COMMD10: variants seen among roughly 807,000 people sequenced by gnomAD.
COMMD10 encodes the protein COMM domain containing 10, also known as COMM domain-containing protein 10.
In COMMD10, 33 loss-of-function variants were observed where a neutral mutation model predicts 28.9. The ratio of observed to expected loss-of-function variants is 1.14; its 90% CI spans 0.87 to 1.53. The LOEUF is 1.53. Among genes scored for constraint, COMMD10 ranks in the 40% most tolerant of loss-of-function variants. The pLI is 0.00. For synonymous variants in COMMD10, 110 were observed against 81.7 expected, an observed-to-expected ratio of 1.35 and a Z score of -1.87; for missense variants, 310 against 233.4, an observed-to-expected ratio of 1.33 and a Z score of -2.14.
intron 5 of COMMD10, among the ~76,000 whole-genome samples, chr5:116,173,407 A>G (rs1477569102): frequency 6.6e-6 from 1 of 152,102 alleles, no homozygotes; most frequent in Non-Finnish European, 1.5e-5. Context: ...AAACTTTGGA[A>G]TTTCCTGATT....
intron 4 of COMMD10, among the ~76,000 whole-genome samples, chr5:116,113,015 T>A (rs1366563421): frequency 6.6e-6 from 1 of 152,240 alleles, no homozygotes; most frequent in African/African-American, 2.4e-5. Flanking sequence ...GGTCTAGTTT[T>A]CATGAATTCC....
intron 5 of COMMD10, among the ~76,000 whole-genome samples, chr5:116,144,548 A>G (rs7735539): frequency 0.5 from 76,554 of 151,662 alleles, 21,932 homozygotes; most frequent in Non-Finnish European, 0.65. Context: ...GTGTTAAAAA[A>G]TGAATTTAGT....
At chr5:116,143,379 A>G (rs1218398670) in intron 5 of COMMD10, among the ~76,000 whole-genome samples, 5 of 151,760 alleles carry the variant, frequency 3.3e-5, no homozygotes, top group Non-Finnish European at 1.5e-5. Context: ...GGAGAAAATG[A>G]TAATAGAGAC....
At chr5:116,205,830 C>T (rs1282550618) in intron 5 of COMMD10, among the ~76,000 whole-genome samples, 1 of 152,060 alleles carries the variant, frequency 6.6e-6, no homozygotes, top group Non-Finnish European at 1.5e-5. Context: ...CATATTTTAG[C>T]ATCTATTTGA....
chr5:116,256,615 G>C (rs1215378474), intron 5 of COMMD10, among the ~76,000 whole-genome samples: 1 of 151,844 alleles, frequency 6.6e-6, no homozygotes, highest in South Asian at 2.1e-4. Flanking sequence ...GTTGGAACCA[G>C]AAATGTTTCA....
At chr5:116,236,664 A>AT (rs531773269) in intron 5 of COMMD10, among the ~76,000 whole-genome samples, 21 of 152,238 alleles carry the variant, frequency 1.4e-4, no homozygotes, top group African/African-American at 5.1e-4. Flanking sequence ...GAAGAGAGTA[A>AT]AAAAGATCAG....
chr5:116,107,661 G>C (rs11738779), intron 4 of COMMD10, among the ~76,000 whole-genome samples: 1 of 151,824 alleles, frequency 6.6e-6, no homozygotes, highest in Non-Finnish European at 1.5e-5. Context: ...TTATTACCCA[G>C]CTTCTGAAGC....
intron 5 of COMMD10, among the ~76,000 whole-genome samples, chr5:116,186,256 C>T (rs1335747582): frequency 1.1e-4 from 16 of 152,098 alleles, no homozygotes; most frequent in Admixed American, 1.0e-3. Flanking sequence ...TAGCCCATTC[C>T]AATACAGCTT....
chr5:116,165,267 C>T (rs1354351377), intron 5 of COMMD10, among the ~76,000 whole-genome samples: 1 of 152,118 alleles, frequency 6.6e-6, no homozygotes, highest in African/African-American at 2.4e-5. Context: ...ATCGAGTTCT[C>T]CTGGCTTTCA....
intron 4 of COMMD10, among the ~76,000 whole-genome samples, chr5:116,113,831 T>C (rs1258826926): frequency 1.3e-5 from 2 of 152,208 alleles, no homozygotes; most frequent in Non-Finnish European, 2.9e-5. Flanking sequence ...TTGTGTTCCT[T>C]TGATGGTGTC....
intron 4 of COMMD10, among the ~76,000 whole-genome samples, chr5:116,098,862 G>A (rs1750553761): frequency 6.6e-6 from 1 of 152,050 alleles, no homozygotes; most frequent in African/African-American, 2.4e-5. Flanking sequence ...CGTATTCAGG[G>A]TGTGCAATGT....
chr5:116,255,114 T>C (rs1750243577), intron 5 of COMMD10, among the ~76,000 whole-genome samples: 1 of 151,786 alleles, frequency 6.6e-6, no homozygotes, highest in Non-Finnish European at 1.5e-5. Context: ...AAGACTAGGA[T>C]TGCAACCCCT....
At chr5:116,249,687 G>C (rs1415479737) in intron 5 of COMMD10, among the ~76,000 whole-genome samples, 1 of 151,846 alleles carries the variant, frequency 6.6e-6, no homozygotes, top group Non-Finnish European at 1.5e-5. Flanking sequence ...CTATATTGTA[G>C]TTTATAAAAT....
chr5:116,085,128 C>A (rs750827289), intron 1 of COMMD10, 35 bp downstream of exon 1: 1 of 1,594,902 alleles, frequency 6.3e-7, no homozygotes, highest in Non-Finnish European at 8.5e-7. Flanking sequence ...GGTAGCCGCG[C>A]CCAGGAAGGC....
At chr5:116,188,250 T>A (rs1580533471) in intron 5 of COMMD10, among the ~76,000 whole-genome samples, 1 of 152,260 alleles carries the variant, frequency 6.6e-6, no homozygotes, top group East Asian at 1.9e-4. Context: ...GTTTATTGTT[T>A]TTGCCTTATC....
intron 4 of COMMD10, among the ~76,000 whole-genome samples, chr5:116,128,731 A>G (rs1022184668): frequency 5.9e-5 from 9 of 152,040 alleles, no homozygotes; most frequent in African/African-American, 1.9e-4. Context: ...ATTCTAAACA[A>G]TGTAAGGAAT....
intron 5 of COMMD10, among the ~76,000 whole-genome samples, chr5:116,169,170 C>T (rs540181387): frequency 5.3e-5 from 8 of 152,070 alleles, no homozygotes; most frequent in Non-Finnish European, 1.2e-4. Flanking sequence ...GGGGATATCA[C>T]CACTGATCCC....
intron 5 of COMMD10, among the ~76,000 whole-genome samples, chr5:116,290,749 C>T (rs1751340589): frequency 6.7e-6 from 1 of 149,704 alleles, no homozygotes; most frequent in African/African-American, 2.6e-5. Flanking sequence ...TTCAGAGGGA[C>T]CTTGAGTAAA....
chr5:116,232,112 C>G (rs959496834), intron 5 of COMMD10, among the ~76,000 whole-genome samples: 1 of 152,132 alleles, frequency 6.6e-6, no homozygotes, highest in African/African-American at 2.4e-5. Flanking sequence ...GGCAGGAACC[C>G]TGCTTCTGAT....
Sources: gnomAD v4.1 joint callset for allele counts (sites outside exome capture counted in the v4.1 genomes callset) on GRCh38, gnomAD v4.1.1 for gene constraint, MANE v1.5 for transcripts, NCBI Gene and HGNC (gene_info 2026-07-23, HGNC 2026-07-21) for gene names.